KLHL2: variants seen among roughly 807,000 people sequenced by gnomAD.
KLHL2 encodes the protein kelch like family member 2.
Under a neutral mutation model 75.8 loss-of-function variants are expected in KLHL2, and 15 were observed. The ratio of observed to expected loss-of-function variants is 0.20; its 90% confidence interval spans 0.13 to 0.30. The LOEUF is 0.30. Among genes scored for constraint, KLHL2 ranks in the 10% least tolerant of loss-of-function variants. The pLI, the probability that KLHL2 is intolerant of heterozygous loss-of-function variation, is 1.00. For synonymous variants in KLHL2, 214 were observed against 251.9 expected (o/e 0.85, Z 1.42); for missense variants, 381 against 741.0 (o/e 0.51, Z 5.64).
chr4:165,251,704 G>A (rs917229872), intron 4 of KLHL2, among the ~76,000 whole-genome samples: 1 of 148,224 alleles, frequency 6.7e-6, no homozygotes, highest in Non-Finnish European at 1.5e-5. Context: ...CCGCCTCCCG[G>A]GTTCACGCCA....
At chr4:165,253,911 A>G (rs1228104956) in intron 4 of KLHL2, among the ~76,000 whole-genome samples, 1 of 152,234 alleles carries the variant, frequency 6.6e-6, no homozygotes, top group African/African-American at 2.4e-5. Flanking sequence ...ACAGTTTAGC[A>G]TGTTAATGGA....
At chr4:165,274,608 CA>C (rs1319249650) in intron 5 of KLHL2, among the ~76,000 whole-genome samples, 10,241 of 106,804 alleles carry the variant, frequency 0.096, 610 homozygotes, top group African/African-American at 0.23. Context: ...GACTACGTCT[CA>C]AAAAAAAAAA....
intron 1 of KLHL2, among the ~76,000 whole-genome samples, chr4:165,216,843 GT>G (rs1737575303): frequency 6.6e-6 from 1 of 152,112 alleles, no homozygotes; most frequent in African/African-American, 2.4e-5. Context: ...AAAATTCAGT[GT>G]TTTTTCTTAC....
intron 5 of KLHL2, among the ~76,000 whole-genome samples, chr4:165,264,130 A>G (rs1419793366): frequency 6.6e-6 from 1 of 152,084 alleles, no homozygotes; most frequent in Non-Finnish European, 1.5e-5. Context: ...TCTATATTTT[A>G]TTTGAGTTTA....
intron 5 of KLHL2, among the ~76,000 whole-genome samples, chr4:165,275,733 C>A (rs1338234940): frequency 1.3e-5 from 2 of 152,184 alleles, no homozygotes; most frequent in African/African-American, 4.8e-5. Context: ...AGCTACCACA[C>A]CCAGCCTGAC....
At chr4:165,210,272 C>A in intron 1 of KLHL2, 2 of 1,205,470 alleles carry the variant, frequency 1.7e-6, no homozygotes, top group Non-Finnish European at 2.4e-6. Flanking sequence ...CTTGTGTTCT[C>A]TTTTAACATC....
intron 5 of KLHL2, among the ~76,000 whole-genome samples, chr4:165,287,567 C>T (rs1330487149): frequency 7.6e-6 from 1 of 131,520 alleles, no homozygotes; most frequent in Non-Finnish European, 1.7e-5. Flanking sequence ...CGAGTAACCT[C>T]CATGCTTTTT....
chr4:165,321,036 TTA>T (rs1746938506), intron 14 of KLHL2, among the ~76,000 whole-genome samples: 1 of 152,212 alleles, frequency 6.6e-6, no homozygotes, highest in Non-Finnish European at 1.5e-5. Context: ...TCAAGACTGT[TTA>T]TGACTTACTT....
At chr4:165,288,568 A>T (rs573779483) in intron 5 of KLHL2, among the ~76,000 whole-genome samples, 1 of 152,280 alleles carries the variant, frequency 6.6e-6, no homozygotes, top group African/African-American at 2.4e-5. Context: ...TTTTCATATC[A>T]TGAGCTTCCT....
At chr4:165,228,340 A>G (rs985661579) in intron 2 of KLHL2, among the ~76,000 whole-genome samples, 8 of 151,594 alleles carry the variant, frequency 5.3e-5, no homozygotes, top group African/African-American at 1.9e-4. Context: ...ATATAATTTT[A>G]CCATTGCTTG....
At position 165,225,537 on chromosome 4, in the gene KLHL2, A is replaced by T. The variant is rs1178245243; in HGVS notation, c.153-3270A>T. On this transcript the variant is annotated intron_variant, in intron 2 of 14. Coordinates refer to ENST00000226725, the MANE Select transcript of KLHL2 (RefSeq NM_007246.4). The stretch of plus-strand genomic sequence containing the variant: ...TAGATTTCAAGTAATAGGAACATAA[A>T]CTTAGAAATTCACCATGGAAGACTT... 5.9e-5 allele frequency among the ~76,000 whole-genome samples: 9 copies of T among 152,200 alleles called. No homozygotes were observed. In the East Asian group the frequency reaches 1.7e-3, roughly 29 times the overall value.
chr4:165,279,365 C>T lies in KLHL2; in HGVS notation c.545-14994C>T. The T allele has an allele frequency of 4.4e-6, 7 of 1,582,996 alleles. No individual in the cohort carries two copies. In the East Asian group the frequency reaches 1.3e-4, roughly 30 times the overall value. On this transcript the variant is annotated intron_variant, in intron 5 of 14. Coordinates refer to ENST00000226725, the MANE Select transcript of KLHL2 (RefSeq NM_007246.4). ...CTTGTCCCAGACTACGGTGGTTTCC[C>T]TCTGGTTGCTGACACCAATAGCTTT... is the stretch of plus-strand genomic sequence containing the variant.
intron 5 of KLHL2, chr4:165,279,258 T>A (rs1433858579): frequency 6.5e-7 from 1 of 1,533,460 alleles, no homozygotes; most frequent in African/African-American, 1.4e-5. Context: ...TTTCCTGGAA[T>A]TCTTTTACTA....
intron 5 of KLHL2, chr4:165,278,293 C>T: frequency 9.4e-7 from 1 of 1,065,026 alleles, no homozygotes; most frequent in Non-Finnish European, 1.5e-6. Context: ...TGGTTTCGGG[C>T]ATCAAGGGCT....
In KLHL2 at chr4:165,297,737, T is replaced by C; in HGVS notation, c.771+12T>C. ...AATATTTAGTTCAGGTAAATGCATA[T>C]GCAAAACATATGAATCCACACAGCA... On this transcript the variant is annotated intron_variant, in intron 7 of 14. Coordinates refer to ENST00000226725, the MANE Select transcript of KLHL2 (RefSeq NM_007246.4). The C allele has an allele frequency of 1.4e-6, 2 of 1,473,758 alleles. No homozygotes were observed. The highest frequency in any genetic ancestry group is 9.5e-7 in the Non-Finnish European group (1 of 1,051,780). The allele number at this position is 1,473,758 out of a possible 1,614,324, so 91.3% of individuals were successfully genotyped here. A position where few individuals can be genotyped will look rare whatever the true frequency, so the allele number is the denominator to read the frequency against.
chr4:165,284,853 G>C (rs1579119976), intron 5 of KLHL2, among the ~76,000 whole-genome samples: 1 of 152,294 alleles, frequency 6.6e-6, no homozygotes, highest in East Asian at 1.9e-4. Context: ...CAATCATGGT[G>C]GAATGTAAGG....
intron 4 of KLHL2, among the ~76,000 whole-genome samples, chr4:165,259,515 C>T (rs1741473247): frequency 6.6e-6 from 1 of 152,198 alleles, no homozygotes; most frequent in Admixed American, 6.5e-5. Context: ...TTGGCCTGTC[C>T]CATACCAGGT....
intron 4 of KLHL2, among the ~76,000 whole-genome samples, chr4:165,248,242 A>T (rs1423589975): frequency 4.6e-5 from 7 of 152,216 alleles, no homozygotes; most frequent in African/African-American, 1.7e-4. Context: ...TTGGATGTTT[A>T]TGTCATCAAA....
chr4:165,253,116 C>T (rs1740875224), intron 4 of KLHL2, among the ~76,000 whole-genome samples: 1 of 152,218 alleles, frequency 6.6e-6, no homozygotes, highest in African/African-American at 2.4e-5. Flanking sequence ...ACTGCAACCT[C>T]TGCCTCCTCC....
Sources: gnomAD v4.1 joint callset for allele counts (sites outside exome capture counted in the v4.1 genomes callset) on GRCh38, gnomAD v4.1.1 for gene constraint, MANE v1.5 for transcripts, NCBI Gene and HGNC (gene_info 2026-07-23, HGNC 2026-07-21) for gene names.